ARHGAP10: variants seen among roughly 807,000 people sequenced by gnomAD.
ARHGAP10 encodes rho GTPase-activating protein 10.
ARHGAP10 carries 87 observed loss-of-function variants against 108.6 expected under a neutral mutation model. The observed-to-expected ratio is 0.80, with a 90% CI of 0.67 to 0.96. The LOEUF is 0.96. Among genes scored for constraint, ARHGAP10 ranks in the 40% least tolerant of loss-of-function variants. ARHGAP10 has a pLI of 0.00. For missense variants in ARHGAP10, 939 were observed against 954.5 expected (o/e 0.98, Z 0.21); for synonymous variants, 347 against 341.1 (o/e 1.02, Z -0.19).
intron 1 of ARHGAP10, among the ~76,000 whole-genome samples, chr4:147,742,802 A>G (rs911151516): frequency 5.3e-5 from 8 of 151,610 alleles, no homozygotes; most frequent in African/African-American, 1.7e-4. Context: ...TTTTCTTCCA[A>G]TCTAATCATA....
chr4:147,878,743 TTTCAAAGTATC>T (rs1735192787), intron 8 of ARHGAP10, among the ~76,000 whole-genome samples: 1 of 152,136 alleles, frequency 6.6e-6, no homozygotes, highest in Non-Finnish European at 1.5e-5. Flanking sequence ...TAGAGGTTTG[TTTCAAAGTATC>T]TCTTATTTTC....
chr4:147,742,457 G>A (rs1490904463), intron 1 of ARHGAP10, among the ~76,000 whole-genome samples: 1 of 148,054 alleles, frequency 6.8e-6, no homozygotes, highest in East Asian at 2.0e-4. Flanking sequence ...ATAGTTACAG[G>A]AGAAATAGTC....
At chr4:147,978,293 T>C (rs546178450) in intron 18 of ARHGAP10, among the ~76,000 whole-genome samples, 3 of 152,154 alleles carry the variant, frequency 2.0e-5, no homozygotes, top group Admixed American at 6.5e-5. Context: ...CCACCAACAG[T>C]GTATAAGCAT....
chr4:147,986,436 A>C (rs1415781836), intron 18 of ARHGAP10, among the ~76,000 whole-genome samples: 1 of 152,194 alleles, frequency 6.6e-6, no homozygotes. Context: ...TTAATATTAA[A>C]TGACTGCAAT....
chr4:147,787,308 A>G (rs1474646601), intron 1 of ARHGAP10, among the ~76,000 whole-genome samples: 2 of 152,156 alleles, frequency 1.3e-5, no homozygotes. Context: ...TATTTGAATG[A>G]ATAAAGGCAG....
At chr4:148,009,054 A>G (rs1240707248) in intron 18 of ARHGAP10, among the ~76,000 whole-genome samples, 1 of 152,186 alleles carries the variant, frequency 6.6e-6, no homozygotes, top group Admixed American at 6.5e-5. Context: ...GTCAAGATCA[A>G]CAGATAATCC....
intron 4 of ARHGAP10, among the ~76,000 whole-genome samples, chr4:147,850,296 A>G (rs1417188320): frequency 6.6e-6 from 1 of 152,248 alleles, no homozygotes; most frequent in African/African-American, 2.4e-5. Context: ...TAAGGGAATA[A>G]AAGCTGGCCA....
chr4:147,840,228 A>G (rs1191177255), intron 3 of ARHGAP10, among the ~76,000 whole-genome samples: 3 of 152,042 alleles, frequency 2.0e-5, no homozygotes, highest in Admixed American at 2.0e-4. Context: ...TTGAGTCCCT[A>G]TGATAGGAAA....
intron 12 of ARHGAP10, among the ~76,000 whole-genome samples, chr4:147,912,728 A>G (rs536600072): frequency 1.3e-3 from 160 of 123,474 alleles, no homozygotes; most frequent in Admixed American, 2.0e-3. Context: ...AACTCACTGC[A>G]GCCTCTACCT....
intron 18 of ARHGAP10, among the ~76,000 whole-genome samples, chr4:147,979,085 T>A (rs541989591): frequency 6.6e-6 from 1 of 152,326 alleles, no homozygotes; most frequent in East Asian, 1.9e-4. Flanking sequence ...TGTTTTTGAT[T>A]TTGTTGCATT....
At chr4:148,000,427 T>A (rs1740665420) in intron 18 of ARHGAP10, among the ~76,000 whole-genome samples, 1 of 152,214 alleles carries the variant, frequency 6.6e-6, no homozygotes, top group Non-Finnish European at 1.5e-5. Flanking sequence ...TTATAATCCT[T>A]TGTGTACATA....
rs561047766 is a variant in ARHGAP10, at chr4:147,983,231, G to C, written c.1716+16392G>C. Among the ~76,000 whole-genome samples, 31 of 149,804 alleles carry C rather than the reference G, an allele frequency of 2.1e-4. 1 individual carries two copies. In the South Asian group the frequency reaches 6.4e-3, roughly 31 times the overall value. ...AGCAGAGTCTCACTCTGTCGCCCAGGCTGGAGTACAGTGGCACGATCTCGG... is the reference window on the plus strand; with the variant it reads ...AGCAGAGTCTCACTCTGTCGCCCAGCCTGGAGTACAGTGGCACGATCTCGG... On this transcript the variant is annotated intron_variant, in intron 18 of 22. Coordinates refer to ENST00000336498, the MANE Select transcript of ARHGAP10 (RefSeq NM_024605.4).
At chr4:148,004,495 G>A (rs1740861992) in intron 18 of ARHGAP10, among the ~76,000 whole-genome samples, 1 of 152,290 alleles carries the variant, frequency 6.6e-6, no homozygotes, top group South Asian at 2.1e-4. Flanking sequence ...TACAGCAGAT[G>A]TAAATCTTTT....
Position 147,890,168 on chromosome 4 carries a change from G to C in ARHGAP10, c.1034+8236G>C, listed in dbSNP as rs75243581. Among the ~76,000 whole-genome samples the C allele has an allele frequency of 8.4e-3, 1,279 of 152,308 alleles. 42 individuals carry two copies. The East Asian group carries it at 0.11, about 13-fold the overall frequency. ...TGCAAGGGAGGCTTCTAAATCCTAAGGTTGGGAAATTGCTGTCTTTTGTTT... is the reference window on the plus strand; with the variant it reads ...TGCAAGGGAGGCTTCTAAATCCTAACGTTGGGAAATTGCTGTCTTTTGTTT... On this transcript the variant is annotated intron_variant, in intron 10 of 22. Coordinates refer to ENST00000336498, the MANE Select transcript of ARHGAP10 (RefSeq NM_024605.4).
intron 16 of ARHGAP10, among the ~76,000 whole-genome samples, chr4:147,961,561 C>G (rs1310973335): frequency 6.6e-6 from 1 of 151,934 alleles, no homozygotes; most frequent in Non-Finnish European, 1.5e-5. Flanking sequence ...AACTATTATC[C>G]TTTTGAAAAA....
At chr4:147,813,229 C>T (rs1187451149) in intron 1 of ARHGAP10, among the ~76,000 whole-genome samples, 1 of 151,998 alleles carries the variant, frequency 6.6e-6, no homozygotes, top group Non-Finnish European at 1.5e-5. Flanking sequence ...TTTTTATACT[C>T]ACTGGCCTAT....
intron 13 of ARHGAP10, among the ~76,000 whole-genome samples, chr4:147,920,236 G>T (rs1421917911): frequency 6.6e-6 from 1 of 151,376 alleles, no homozygotes; most frequent in African/African-American, 2.4e-5. Context: ...GGCCAAGATA[G>T]TGAAACCCTG....
chr4:147,772,733 G>C (rs1730129355), intron 1 of ARHGAP10, among the ~76,000 whole-genome samples: 1 of 152,184 alleles, frequency 6.6e-6, no homozygotes, highest in Non-Finnish European at 1.5e-5. Context: ...TGTTATTACA[G>C]AGTTTTTACA....
At chr4:147,946,798 A>T in intron 15 of ARHGAP10, 94 bp downstream of exon 15, 2 of 993,062 alleles carry the variant, frequency 2.0e-6, no homozygotes, top group Middle Eastern at 2.3e-4. Context: ...TCAATAGTTA[A>T]ATTAAGCCTT....
Sources: allele counts gnomAD v4.1 joint callset (sites outside exome capture counted in the v4.1 genomes callset), GRCh38; gene constraint gnomAD v4.1.1; transcripts MANE v1.5; gene names NCBI Gene and HGNC (gene_info 2026-07-23, HGNC 2026-07-21).